Variants in SGCZ observed in about 807,000 individuals in gnomAD.
SGCZ encodes the protein zeta-sarcoglycan.
Under a neutral mutation model 41.3 loss-of-function variants are expected in SGCZ, and 40 were observed. The ratio of observed to expected loss-of-function variants is 0.97; its 90% confidence interval spans 0.75 to 1.26. The LOEUF is 1.26. SGCZ is among the 50% of genes most tolerant of loss of function. The pLI, the probability that SGCZ is intolerant of heterozygous loss-of-function variation, is 0.00. For missense variants in SGCZ, 552 were observed against 369.8 expected (o/e 1.49, Z -4.04); for synonymous variants, 206 against 137.5 (o/e 1.50, Z -3.49).
At position 14,815,508 on chromosome 8, in the gene SGCZ, T is replaced by G. The variant is rs946458846; in HGVS notation, c.40-260582A>C. Among the ~76,000 whole-genome samples the G allele has an allele frequency of 9.2e-5, 14 of 152,096 alleles. No homozygotes were observed. The East Asian group carries it at 2.7e-3, about 29-fold the overall frequency. On this transcript the variant is annotated intron_variant, in intron 1 of 7. Coordinates refer to ENST00000382080, the MANE Select transcript of SGCZ (RefSeq NM_139167.4). ...GATGAAAATATTTCTTCCGGCAGTA[T>G]ATCTTCCAGGAATAAATCACTATGA...
chr8:14,326,984 A>C (rs1374939404), intron 2 of SGCZ, among the ~76,000 whole-genome samples: 1 of 142,706 alleles, frequency 7.0e-6, no homozygotes, highest in African/African-American at 2.5e-5. Context: ...TGGTATTCTT[A>C]AAGTGGCAAA....
At chr8:14,719,197 G>C (rs1397205969) in intron 1 of SGCZ, among the ~76,000 whole-genome samples, 1 of 149,434 alleles carries the variant, frequency 6.7e-6, no homozygotes, top group Non-Finnish European at 1.5e-5. Context: ...CATTTTTTAT[G>C]GCTGCATAGT....
chr8:14,977,343 T>C (rs1300501726), intron 1 of SGCZ, among the ~76,000 whole-genome samples: 1 of 152,184 alleles, frequency 6.6e-6, no homozygotes, highest in Non-Finnish European at 1.5e-5. Context: ...AACATTTGCT[T>C]AATGACTAAT....
intron 1 of SGCZ, among the ~76,000 whole-genome samples, chr8:14,623,264 G>T (rs932122114): frequency 6.6e-6 from 1 of 152,108 alleles, no homozygotes; most frequent in Non-Finnish European, 1.5e-5. Context: ...AAATTAAGTA[G>T]CAGGAAAGCA....
intron 1 of SGCZ, among the ~76,000 whole-genome samples, chr8:14,786,814 G>C (rs1257946077): frequency 6.8e-6 from 1 of 147,800 alleles, no homozygotes; most frequent in Non-Finnish European, 1.5e-5. Flanking sequence ...GTTTTACAAG[G>C]AGTGGAAGAG....
At chr8:14,889,778 T>A (rs770213230) in intron 1 of SGCZ, among the ~76,000 whole-genome samples, 11 of 152,154 alleles carry the variant, frequency 7.2e-5, no homozygotes, top group Non-Finnish European at 1.6e-4. Context: ...ATATTTTAAA[T>A]ATATTTTATT....
At chr8:14,224,315 AT>A (rs1806299053) in intron 4 of SGCZ, among the ~76,000 whole-genome samples, 1 of 152,130 alleles carries the variant, frequency 6.6e-6, no homozygotes, top group African/African-American at 2.4e-5. Flanking sequence ...CAATAGTGAC[AT>A]TGCAATGAGG....
intron 1 of SGCZ, among the ~76,000 whole-genome samples, chr8:14,566,387 T>C (rs1804360296): frequency 2.0e-5 from 3 of 151,448 alleles, no homozygotes; most frequent in Admixed American, 1.3e-4. Flanking sequence ...ATGGGGCCAG[T>C]GTGGGTAGAT....
intron 1 of SGCZ, among the ~76,000 whole-genome samples, chr8:14,661,196 T>C (rs1351226527): frequency 6.6e-6 from 1 of 152,096 alleles, no homozygotes; most frequent in Non-Finnish European, 1.5e-5. Flanking sequence ...CGATGGACAA[T>C]AATATACTCA....
chr8:14,466,389 C>T (rs74672741), intron 2 of SGCZ, among the ~76,000 whole-genome samples: 6,281 of 152,006 alleles, frequency 0.041, 407 homozygotes, highest in African/African-American at 0.14. Flanking sequence ...CTTTTGGCTT[C>T]CAATAGTCTC....
chr8:14,663,205 A>C (rs1011843968), intron 1 of SGCZ, among the ~76,000 whole-genome samples: 1 of 152,214 alleles, frequency 6.6e-6, no homozygotes, highest in Admixed American at 6.5e-5. Context: ...AAATAGGGAC[A>C]ATTGTACCTA....
At chr8:14,854,431 G>C (rs1342648548) in intron 1 of SGCZ, among the ~76,000 whole-genome samples, 6 of 150,640 alleles carry the variant, frequency 4.0e-5, no homozygotes, top group Admixed American at 6.6e-5. Flanking sequence ...AGAAAGAAAA[G>C]ATAAAAATAT....
At chr8:14,216,418 G>T (rs568443144) in intron 4 of SGCZ, among the ~76,000 whole-genome samples, 3 of 143,130 alleles carry the variant, frequency 2.1e-5, no homozygotes, top group Non-Finnish European at 4.6e-5. Context: ...AGCGTTACTC[G>T]GATAACAAAT....
At chr8:14,447,407 C>T (rs559102887) in intron 2 of SGCZ, among the ~76,000 whole-genome samples, 2 of 152,172 alleles carry the variant, frequency 1.3e-5, no homozygotes, top group South Asian at 4.1e-4. Flanking sequence ...TTCCAAACAT[C>T]TAATGGAATC....
chr8:14,236,639 C>T (rs563967103), intron 4 of SGCZ, among the ~76,000 whole-genome samples: 153 of 151,240 alleles, frequency 1.0e-3, no homozygotes, highest in Non-Finnish European at 1.7e-3. Context: ...TTTCTCTTTC[C>T]CTCTTTCTCA....
chr8:15,224,145 C>T (rs1039618883), intron 1 of SGCZ, among the ~76,000 whole-genome samples: 1 of 152,136 alleles, frequency 6.6e-6, no homozygotes, highest in Admixed American at 6.5e-5. Flanking sequence ...CGTGAGCCAC[C>T]ATGCCCAGCC....
chr8:14,175,854 TTCAAAAA>T (rs1804527294), intron 4 of SGCZ, among the ~76,000 whole-genome samples: 1 of 152,024 alleles, frequency 6.6e-6, no homozygotes, highest in African/African-American at 2.4e-5. Flanking sequence ...AAACATAAAA[TTCAAAAA>T]TAATTAAATT....
chr8:14,722,088 T>C (rs911834297), intron 1 of SGCZ, among the ~76,000 whole-genome samples: 1 of 152,210 alleles, frequency 6.6e-6, no homozygotes, highest in Non-Finnish European at 1.5e-5. Context: ...TCAACTCTGT[T>C]TGTCTTGCTT....
At chr8:14,592,967 A>G (rs961043626) in intron 1 of SGCZ, among the ~76,000 whole-genome samples, 32 of 152,162 alleles carry the variant, frequency 2.1e-4, no homozygotes, top group African/African-American at 7.7e-4. Flanking sequence ...GTGTGAAACT[A>G]CCGCAATTGT....
Sources: gnomAD v4.1 joint callset for allele counts (sites outside exome capture counted in the v4.1 genomes callset) on GRCh38, gnomAD v4.1.1 for gene constraint, MANE v1.5 for transcripts, NCBI Gene and HGNC (gene_info 2026-07-23, HGNC 2026-07-21) for gene names.